Variants in LYPD6 observed in about 807,000 individuals in gnomAD.
LYPD6 encodes ly6/PLAUR domain-containing protein 6.
In LYPD6, 15 loss-of-function variants were observed where a neutral mutation model predicts 22.7. That is an observed-to-expected ratio of 0.66 (90% CI 0.44 to 1.02). LYPD6 has a LOEUF of 1.02. Ranked by LOEUF, LYPD6 falls within the 50% of genes least tolerant of loss-of-function variation. The pLI, the probability that LYPD6 is intolerant of heterozygous loss-of-function variation, is 0.00. For missense variants in LYPD6, 189 were observed against 208.4 expected, an observed-to-expected ratio of 0.91 and a Z score of 0.57; for synonymous variants, 72 against 77.5, an observed-to-expected ratio of 0.93 and a Z score of 0.37.
At chr2:149,368,289 T>A (rs980816226) in intron 1 of LYPD6, 1 of 152,182 alleles carries the variant, frequency 6.6e-6, no homozygotes, top group African/African-American at 2.4e-5. Context: ...GGTATAAAGG[T>A]TTAGAAGCAG....
chr2:149,397,270 G>GCT (rs770259000), intron 1 of LYPD6, among the ~76,000 whole-genome samples: 2 of 152,158 alleles, frequency 1.3e-5, no homozygotes, highest in East Asian at 3.9e-4. Context: ...TAGCAGCAGT[G>GCT]GCTGGAGTCA....
chr2:149,343,093 A>T (rs1006666492), intron 1 of LYPD6, among the ~76,000 whole-genome samples: 1 of 152,166 alleles, frequency 6.6e-6, no homozygotes, highest in Non-Finnish European at 1.5e-5. Context: ...CAGCTAGGAC[A>T]TGCAAATTCA....
At chr2:149,413,660 G>GT (rs1451710158) in intron 1 of LYPD6, among the ~76,000 whole-genome samples, 2 of 152,162 alleles carry the variant, frequency 1.3e-5, no homozygotes, top group Non-Finnish European at 2.9e-5. Flanking sequence ...TAATCTAGTT[G>GT]TTAAAATTCT....
the LYPD6 span, among the ~76,000 whole-genome samples, chr2:149,485,664 TC>T: frequency 6.6e-6 from 1 of 152,206 alleles, no homozygotes; most frequent in African/African-American, 2.4e-5. Flanking sequence ...CAGCAGCTCA[TC>T]CTGTATTAAT....
intron 1 of LYPD6, among the ~76,000 whole-genome samples, chr2:149,342,254 C>G (rs1681177577): frequency 6.6e-6 from 1 of 152,140 alleles, no homozygotes; most frequent in African/African-American, 2.4e-5. Context: ...CTAGGCCCCA[C>G]CTTCAACACT....
At chr2:149,380,866 CAG>C (rs1682044359) in intron 1 of LYPD6, among the ~76,000 whole-genome samples, 1 of 152,100 alleles carries the variant, frequency 6.6e-6, no homozygotes, top group East Asian at 1.9e-4. Context: ...GTCTGGGACA[CAG>C]GGAAATAGCA....
intron 1 of LYPD6, among the ~76,000 whole-genome samples, chr2:149,397,690 G>A (rs1258477165): frequency 6.6e-6 from 1 of 152,204 alleles, no homozygotes; most frequent in Non-Finnish European, 1.5e-5. Flanking sequence ...CTTTTACTCT[G>A]AGAGCTGAAT....
rs547812529 is a variant in LYPD6 at position 149,440,826 on chromosome 2, G to A, written c.118+3000G>A. ...TGCCATTCTCCTGCCTCAGCCTCCC[G>A]AGAAGCTGGGACTACAGGTGCCCAC... On this transcript the variant is annotated intron_variant, in intron 2 of 4. Transcript: ENST00000334166. 5.4e-5 allele frequency among the ~76,000 whole-genome samples: 8 copies of A among 148,718 alleles called. No homozygotes were observed. In the East Asian group the frequency reaches 8.2e-4, roughly 15 times the overall value.
rs372293770 is a variant in LYPD6 at position 149,410,475 on chromosome 2, G to A, written c.-71-27163G>A. Among the ~76,000 whole-genome samples, 63 of 152,260 alleles carry A rather than the reference G, an allele frequency of 4.1e-4. No individual in the cohort carries two copies. In the South Asian group the frequency reaches 0.012, roughly 30 times the overall value. On this transcript the variant is annotated intron_variant, in intron 1 of 4. Coordinates refer to ENST00000334166, the MANE Select transcript of LYPD6 (RefSeq NM_194317.5). ...GTCTCAGACATAGGATTCTAGTGCT[G>A]TGACTAAGGTGCAGTTTACCCCTCA...
At chr2:149,465,014 T>C (rs1681169669) in intron 3 of LYPD6, among the ~76,000 whole-genome samples, 1 of 151,814 alleles carries the variant, frequency 6.6e-6, no homozygotes, top group Admixed American at 6.6e-5. Context: ...GTCCAGAAAA[T>C]AGTTGGTAAT....
chr2:149,339,366 T>C (rs907809787), intron 1 of LYPD6, among the ~76,000 whole-genome samples: 2 of 152,020 alleles, frequency 1.3e-5, no homozygotes, highest in African/African-American at 4.8e-5. Flanking sequence ...CCCCTAGGAG[T>C]TGATATCTCT....
At chr2:149,368,926 A>T (rs989716471) in intron 1 of LYPD6, among the ~76,000 whole-genome samples, 1 of 152,256 alleles carries the variant, frequency 6.6e-6, no homozygotes, top group South Asian at 2.1e-4. Flanking sequence ...CAGTCTACAA[A>T]ATATTGGGAA....
chr2:149,428,599 A>C (rs1683236594), intron 1 of LYPD6, among the ~76,000 whole-genome samples: 1 of 152,188 alleles, frequency 6.6e-6, no homozygotes. Flanking sequence ...GAAGACTTCT[A>C]ATTGGCCAGA....
the LYPD6 span, among the ~76,000 whole-genome samples, chr2:149,481,351 A>G: frequency 6.6e-6 from 1 of 152,230 alleles, no homozygotes; most frequent in Non-Finnish European, 1.5e-5. Flanking sequence ...CCGTAAAACT[A>G]GCATCTCTTG....
the LYPD6 span, among the ~76,000 whole-genome samples, chr2:149,484,475 G>T: frequency 6.6e-6 from 1 of 152,148 alleles, no homozygotes; most frequent in Non-Finnish European, 1.5e-5. Context: ...AGAGGAGAAA[G>T]CTTGGATCCT....
At chr2:149,401,896 T>C (rs941089460) in intron 1 of LYPD6, among the ~76,000 whole-genome samples, 1 of 148,348 alleles carries the variant, frequency 6.7e-6, no homozygotes, top group African/African-American at 2.5e-5. Flanking sequence ...CAAAGTTCAA[T>C]GTATCATTCT....
At chr2:149,460,813 G>T (rs1681071270) in intron 3 of LYPD6, among the ~76,000 whole-genome samples, 1 of 151,964 alleles carries the variant, frequency 6.6e-6, no homozygotes, top group Non-Finnish European at 1.5e-5. Flanking sequence ...TTAAACTAGA[G>T]ATCAATGACA....
At chr2:149,375,829 T>C (rs529103727) in intron 1 of LYPD6, among the ~76,000 whole-genome samples, 17 of 152,186 alleles carry the variant, frequency 1.1e-4, no homozygotes, top group Admixed American at 2.0e-4. Context: ...GATGGGAAGC[T>C]GAGGACTGGG....
chr2:149,404,309 T>C (rs554914841), intron 1 of LYPD6, among the ~76,000 whole-genome samples: 8 of 152,236 alleles, frequency 5.3e-5, no homozygotes, highest in Non-Finnish European at 1.2e-4. Context: ...ATTGAATCTA[T>C]AAATTACCTT....
Sources: allele counts gnomAD v4.1 joint callset (sites outside exome capture counted in the v4.1 genomes callset), GRCh38; gene constraint gnomAD v4.1.1; transcripts MANE v1.5; gene names NCBI Gene and HGNC (gene_info 2026-07-23, HGNC 2026-07-21).